Variants in BBX observed in about 807,000 individuals in gnomAD.
BBX encodes BBX high mobility group box domain containing, also known as HMG box transcription factor BBX.
BBX carries 30 observed loss-of-function variants against 100.2 expected under a neutral mutation model. The ratio of observed to expected loss-of-function variants is 0.30; its 90% CI spans 0.22 to 0.41. BBX has a LOEUF of 0.41. Ranked by LOEUF, BBX falls within the 10% of genes least tolerant of loss-of-function variation. The pLI, the probability that BBX is intolerant of heterozygous loss-of-function variation, is 1.00. For synonymous variants in BBX, 376 were observed against 388.1 expected, an observed-to-expected ratio of 0.97 and a Z score of 0.37; for missense variants, 1,023 against 1,129.8, an observed-to-expected ratio of 0.91 and a Z score of 1.35.
intron 4 of BBX, among the ~76,000 whole-genome samples, chr3:107,712,680 G>T (rs1167086903): frequency 1.3e-5 from 2 of 152,050 alleles, no homozygotes; most frequent in African/African-American, 2.4e-5. Flanking sequence ...CTCTCTCCCG[G>T]CCTCTGCTCT....
chr3:107,692,544 A>G (rs193015606), intron 3 of BBX, among the ~76,000 whole-genome samples: 2 of 152,306 alleles, frequency 1.3e-5, no homozygotes, highest in African/African-American at 4.8e-5. Context: ...TTATGGCTGC[A>G]TAGTAGTATT....
intron 2 of BBX, among the ~76,000 whole-genome samples, chr3:107,534,815 T>G (rs2048383665): frequency 6.6e-6 from 1 of 152,198 alleles, no homozygotes; most frequent in Non-Finnish European, 1.5e-5. Flanking sequence ...ATAATGGAAA[T>G]AAACTCCTTA....
intron 3 of BBX, among the ~76,000 whole-genome samples, chr3:107,705,644 G>A (rs2061349030): frequency 1.3e-5 from 2 of 152,218 alleles, no homozygotes; most frequent in Non-Finnish European, 1.5e-5. Context: ...CTTAGGATGA[G>A]TTTAAGTGAG....
At chr3:107,716,336 G>GA (rs1183013623) in intron 4 of BBX, 3 of 340,558 alleles carry the variant, frequency 8.8e-6, no homozygotes, top group East Asian at 5.7e-5. Flanking sequence ...TAGTGAGAGA[G>GA]AAAAAAATGT....
At chr3:107,622,304 T>G (rs1157489860) in intron 2 of BBX, among the ~76,000 whole-genome samples, 1 of 152,226 alleles carries the variant, frequency 6.6e-6, no homozygotes, top group African/African-American at 2.4e-5. Context: ...CAGTAGTTCG[T>G]TATATGTAAC....
At chr3:107,663,304 T>G (rs569713012) in intron 3 of BBX, among the ~76,000 whole-genome samples, 5 of 152,324 alleles carry the variant, frequency 3.3e-5, no homozygotes, top group Non-Finnish European at 5.9e-5. Context: ...CAGTCATATC[T>G]TTAGAATCAT....
At chr3:107,545,594 C>A (rs1474989627) in intron 2 of BBX, among the ~76,000 whole-genome samples, 1 of 152,150 alleles carries the variant, frequency 6.6e-6, no homozygotes, top group East Asian at 1.9e-4. Context: ...AGGGTTAATT[C>A]CTTATGTTTG....
rs773299432 is a variant in BBX at position 107,778,559 on chromosome 3, T to A, written c.2203+40T>A. The A allele has an allele frequency of 3.1e-6, 5 of 1,600,102 alleles. No homozygotes were observed. The African/African-American group carries it at 6.8e-5, about 22-fold the overall frequency. On this transcript the variant is annotated intron_variant, in intron 13 of 17. Coordinates refer to ENST00000325805, the MANE Select transcript of BBX (RefSeq NM_001142568.3). ...GTACCTTCCTGCCATGTGGTCAGAA[T>A]CTCAAGTGACCCTTCAGCCAAGCTT...
At chr3:107,544,526 A>G (rs2049074002) in intron 2 of BBX, among the ~76,000 whole-genome samples, 1 of 152,276 alleles carries the variant, frequency 6.6e-6, no homozygotes. Context: ...TTATATATTT[A>G]TTGAATGTAA....
rs755636780 is a variant in BBX at position 107,728,861 on chromosome 3, A to C, written c.502A>C (p.Lys168Gln). 6.2e-7 allele frequency: 1 copy of C among 1,613,984 alleles called. No homozygotes were observed. The highest frequency in any genetic ancestry group is 8.5e-7 in the Non-Finnish European group (1 of 1,179,880). The change falls in exon 6 of 18, where the codon AAG (lysine) becomes CAG (glutamine). Residue 168 changes from lysine to glutamine, a missense_variant. Physicochemically the swap from Lys to Gln is moderately conservative, Grantham distance 53. Coordinates refer to ENST00000325805, the MANE Select transcript of BBX (RefSeq NM_001142568.3). ...KSPTPTVNPR[K>Q]KLWAFPSDSS... The stretch of plus-strand genomic sequence containing the variant: ...CCCAACACCCACTGTCAATCCACGA[A>C]AGAAACTTTGGGCCTTCCCATCTGA...
At chr3:107,559,318 A>G (rs1456083090) in intron 2 of BBX, among the ~76,000 whole-genome samples, 2 of 152,236 alleles carry the variant, frequency 1.3e-5, no homozygotes, top group South Asian at 2.1e-4. Context: ...ATCAATGTGT[A>G]GGATAAACTG....
intron 12 of BBX, among the ~76,000 whole-genome samples, chr3:107,775,445 G>T (rs141998638): frequency 6.6e-6 from 1 of 151,924 alleles, no homozygotes; most frequent in African/African-American, 2.4e-5. Context: ...TATATTTAAC[G>T]TTATGCCAAA....
chr3:107,664,926 C>T (rs1022218290), intron 3 of BBX, among the ~76,000 whole-genome samples: 2 of 152,136 alleles, frequency 1.3e-5, no homozygotes, highest in Non-Finnish European at 2.9e-5. Flanking sequence ...TTCTGTCCTT[C>T]GCCCTCTTTT....
intron 3 of BBX, among the ~76,000 whole-genome samples, chr3:107,648,147 G>A (rs1483461372): frequency 1.3e-5 from 2 of 152,108 alleles, no homozygotes; most frequent in Non-Finnish European, 2.9e-5. Flanking sequence ...AAAGATTCCA[G>A]GAAGTTCTTC....
At chr3:107,646,027 T>A (rs1391832653) in intron 3 of BBX, 118 bp downstream of exon 3, 2 of 152,592 alleles carry the variant, frequency 1.3e-5, no homozygotes, top group African/African-American at 4.8e-5. Context: ...TCATTGGATA[T>A]TTTTTTCTTG....
rs1183666415 is a variant in BBX at position 107,798,509 on chromosome 3, A to G, written c.2354-14A>G. 1 of 1,610,116 alleles carries G rather than the reference A, an allele frequency of 6.2e-7. No homozygotes were observed. Among genetic ancestry groups the G allele is most frequent in the Non-Finnish European group, 8.5e-7 (1 of 1,176,590 alleles). ...GTTTTTGTGCATAACTATGCATGGT[A>G]TTTCCTATTTCAGCCATATTTTCAG... is the stretch of plus-strand genomic sequence containing the variant. On this transcript the variant is annotated splice_polypyrimidine_tract_variant and intron_variant, in intron 15 of 17. Coordinates refer to ENST00000325805, the MANE Select transcript of BBX (RefSeq NM_001142568.3).
In BBX at chr3:107,808,058, G is replaced by A. The variant is rs1347250263; in HGVS notation, c.*2601G>A. On this transcript the variant is annotated 3_prime_UTR_variant, in exon 18 of 18. Transcript: ENST00000325805. The stretch of plus-strand genomic sequence containing the variant: ...TTGTTATTTTCAGGTAACAACATTC[G>A]TTAGCACAAATATTTCAGACCAATA... 4 of 152,012 alleles carry A rather than the reference G, an allele frequency of 2.6e-5. No individual in the cohort carries two copies. The highest frequency in any genetic ancestry group is 3.9e-4 in the East Asian group (2 of 5,190). 9.4% of individuals were successfully genotyped at this position (152,012 alleles called of 1,614,324 possible).
At chr3:107,719,579 G>GA (rs901552859) in intron 5 of BBX, among the ~76,000 whole-genome samples, 6 of 151,746 alleles carry the variant, frequency 4.0e-5, no homozygotes, top group Non-Finnish European at 7.4e-5. Flanking sequence ...TGCATTGCTG[G>GA]AAAAAAAGGC....
At chr3:107,776,545 T>G (rs2067335461) in intron 12 of BBX, among the ~76,000 whole-genome samples, 1 of 152,176 alleles carries the variant, frequency 6.6e-6, no homozygotes, top group Non-Finnish European at 1.5e-5. Flanking sequence ...GTATAATACT[T>G]AAGCAGGGAG....
Sources: gnomAD v4.1 joint callset for allele counts (sites outside exome capture counted in the v4.1 genomes callset) on GRCh38, gnomAD v4.1.1 for gene constraint, MANE v1.5 for transcripts, NCBI Gene and HGNC (gene_info 2026-07-23, HGNC 2026-07-21) for gene names.